Variants in DAB1 observed in about 807,000 individuals in gnomAD.
DAB1 encodes DAB adaptor protein 1.
A neutral mutation model predicts 64.6 loss-of-function variants in DAB1; 15 were observed. The ratio of observed to expected loss-of-function variants is 0.23; its 90% CI spans 0.16 to 0.36. The LOEUF (loss-of-function observed/expected upper bound fraction) is 0.36. Among genes scored for constraint, DAB1 ranks in the 10% least tolerant of loss-of-function variants. The pLI is 1.00. For missense variants in DAB1, 596 were observed against 706.7 expected (o/e 0.84, Z 1.78); for synonymous variants, 235 against 251.9 (o/e 0.93, Z 0.64).
intron 2 of DAB1, among the ~76,000 whole-genome samples, chr1:57,289,074 C>T (rs955340615): frequency 1.3e-5 from 2 of 152,174 alleles, no homozygotes; most frequent in African/African-American, 4.8e-5. Context: ...ATGGAGGACA[C>T]TCCTCACATA....
intron 2 of DAB1, among the ~76,000 whole-genome samples, chr1:57,263,367 A>G (rs1353374316): frequency 6.6e-6 from 1 of 152,010 alleles, no homozygotes; most frequent in Admixed American, 6.6e-5. Flanking sequence ...TGATCTGCCC[A>G]CTTTGGCCTC....
intron 7 of DAB1, among the ~76,000 whole-genome samples, chr1:57,463,339 AT>A (rs1322490847): frequency 6.6e-6 from 1 of 152,194 alleles, no homozygotes; most frequent in African/African-American, 2.4e-5. Context: ...ATTTTTGAAA[AT>A]ATCCATATTA....
upstream of DAB1, among the ~76,000 whole-genome samples, chr1:57,886,198 C>A (rs1039040903): frequency 2.0e-5 from 3 of 150,182 alleles, no homozygotes; most frequent in Admixed American, 6.6e-5. Context: ...CGAAGTCTCC[C>A]TCCATCAACC....
intron 4 of DAB1, among the ~76,000 whole-genome samples, chr1:58,236,986 C>T (rs939711226): frequency 6.6e-6 from 1 of 152,188 alleles, no homozygotes; most frequent in Non-Finnish European, 1.5e-5. Flanking sequence ...GGTCCTTATA[C>T]TCCCTCTTCC....
intron 1 of DAB1, among the ~76,000 whole-genome samples, chr1:57,838,648 A>G (rs978391383): frequency 6.6e-6 from 1 of 152,190 alleles, no homozygotes; most frequent in Middle Eastern, 3.2e-3. Context: ...TTAACCAACC[A>G]TACCACTTCA....
intron 4 of DAB1, among the ~76,000 whole-genome samples, chr1:58,218,034 A>T (rs1453394769): frequency 6.6e-6 from 1 of 151,874 alleles, no homozygotes; most frequent in Middle Eastern, 3.5e-3. Flanking sequence ...ACATATAATT[A>T]TGTATGTATG....
At chr1:58,427,602 T>C (rs983231853) in intron 3 of DAB1, among the ~76,000 whole-genome samples, 1 of 152,030 alleles carries the variant, frequency 6.6e-6, no homozygotes, top group Non-Finnish European at 1.5e-5. Context: ...GGATTTTGGG[T>C]GTGAAAAGAA....
At chr1:58,176,139 T>C (rs375910467) in intron 4 of DAB1, among the ~76,000 whole-genome samples, 1 of 152,198 alleles carries the variant, frequency 6.6e-6, no homozygotes. Flanking sequence ...CTTAACCCTG[T>C]AGGCATTCGA....
chr1:57,221,179 T>C (rs1339676331), intron 2 of DAB1, among the ~76,000 whole-genome samples: 1 of 148,738 alleles, frequency 6.7e-6, no homozygotes, highest in African/African-American at 2.5e-5. Context: ...TTCTCACTCA[T>C]AGGTGGGAAT....
At chr1:58,058,941 C>T (rs577730716) in intron 5 of DAB1, among the ~76,000 whole-genome samples, 2 of 152,308 alleles carry the variant, frequency 1.3e-5, no homozygotes, top group African/African-American at 4.8e-5. Flanking sequence ...CATCTTCCTG[C>T]CTTCAGGTAG....
chr1:58,087,695 A>G (rs189486130), intron 5 of DAB1, among the ~76,000 whole-genome samples: 26 of 151,806 alleles, frequency 1.7e-4, no homozygotes, highest in Middle Eastern at 3.4e-3. Context: ...AGGAAGCAGA[A>G]CAGCATTTAC....
chr1:57,531,385 C>G (rs1229043540), intron 7 of DAB1, among the ~76,000 whole-genome samples: 4 of 152,114 alleles, frequency 2.6e-5, no homozygotes, highest in African/African-American at 9.7e-5. Flanking sequence ...CTTGCTGACT[C>G]TCTTTTCTGA....
At chr1:58,470,107 G>A (rs1329299862) in intron 3 of DAB1, among the ~76,000 whole-genome samples, 1 of 149,104 alleles carries the variant, frequency 6.7e-6, no homozygotes, top group Non-Finnish European at 1.5e-5. Context: ...AGCAAAGCTG[G>A]GACTTTCTCT....
At chr1:57,684,794 C>T (rs1026187665) in intron 6 of DAB1, among the ~76,000 whole-genome samples, 2 of 152,122 alleles carry the variant, frequency 1.3e-5, no homozygotes, top group African/African-American at 4.8e-5. Context: ...TGTAAATGGG[C>T]TAAATTCCCC....
chr1:57,102,233 T>C (rs1654745754), intron 4 of DAB1, among the ~76,000 whole-genome samples: 1 of 151,382 alleles, frequency 6.6e-6, no homozygotes, highest in Non-Finnish European at 1.5e-5. Context: ...TCTCTCTCTT[T>C]CTCTGAGCCA....
intron 1 of DAB1, among the ~76,000 whole-genome samples, chr1:57,394,887 T>G (rs1330509218): frequency 6.6e-6 from 1 of 152,262 alleles, no homozygotes; most frequent in Non-Finnish European, 1.5e-5. Context: ...AGAATGTTTT[T>G]AGATTATAGA....
chr1:57,704,834 A>G (rs1233240655), intron 6 of DAB1, among the ~76,000 whole-genome samples: 1 of 140,978 alleles, frequency 7.1e-6, no homozygotes, highest in African/African-American at 2.6e-5. Context: ...CTATTTGACC[A>G]GTTGATGTGA....
At chr1:57,233,947 C>T (rs984905690) in intron 2 of DAB1, among the ~76,000 whole-genome samples, 3 of 151,980 alleles carry the variant, frequency 2.0e-5, no homozygotes, top group Non-Finnish European at 4.4e-5. Context: ...GCTGCCAAAA[C>T]GGGTCAATTT....
At chr1:57,192,208 T>C (rs1246122884) in intron 2 of DAB1, among the ~76,000 whole-genome samples, 2 of 151,944 alleles carry the variant, frequency 1.3e-5, no homozygotes, top group Admixed American at 6.6e-5. Context: ...TCCCAGGTAC[T>C]TGGGAGGCTG....
Sources: gnomAD v4.1 joint callset for allele counts (sites outside exome capture counted in the v4.1 genomes callset) on GRCh38, gnomAD v4.1.1 for gene constraint, MANE v1.5 for transcripts, NCBI Gene and HGNC (gene_info 2026-07-23, HGNC 2026-07-21) for gene names.